TXNL4A: variants seen among roughly 807,000 people sequenced by gnomAD.
TXNL4A encodes thioredoxin-like protein 4A.
Under a neutral mutation model 14.6 loss-of-function variants are expected in TXNL4A, and 17 were observed. The ratio of observed to expected loss-of-function variants is 1.16; its 90% CI spans 0.80 to 1.74. The LOEUF is 1.74. Among genes scored for constraint, TXNL4A ranks in the 40% most tolerant of loss-of-function variants. TXNL4A has a pLI of 0.00. For missense variants in TXNL4A, 74 were observed against 195.2 expected (o/e 0.38, Z 3.70); for synonymous variants, 83 against 70.6 (o/e 1.18, Z -0.88).
chr18:80,017,162 TTGTC>T (rs1189576707), intron 1 of TXNL4A, among the ~76,000 whole-genome samples: 1 of 151,390 alleles, frequency 6.6e-6, no homozygotes, highest in African/African-American at 2.4e-5. Context: ...GGCTCTCTGT[TTGTC>T]TGTTATTGGT....
At chr18:80,018,994 C>T (rs2051830896) in intron 1 of TXNL4A, among the ~76,000 whole-genome samples, 1 of 152,202 alleles carries the variant, frequency 6.6e-6, no homozygotes, top group Admixed American at 6.5e-5. Context: ...GTCCATATCG[C>T]TATCAAAATG....
rs372622854 is a variant in TXNL4A, at chr18:80,004,710, C to T, written c.-60-27009G>A. 3.9e-5 allele frequency among the ~76,000 whole-genome samples: 6 copies of T among 152,288 alleles called. No homozygotes were observed. In the East Asian group the frequency reaches 9.6e-4, roughly 24 times the overall value. On this transcript the variant is annotated intron_variant, in intron 1 of 2. Transcript: ENST00000585474. ...ACCCATGCAGAAGTGAATGTGCACG[C>T]TCTGAGAACTCATGAGAAAATCACC...
chr18:79,975,777 A>C (rs2051370045), intron 2 of TXNL4A, among the ~76,000 whole-genome samples: 1 of 152,190 alleles, frequency 6.6e-6, no homozygotes, highest in Non-Finnish European at 1.5e-5. Flanking sequence ...GTCAGAGCTC[A>C]AAAGCAACAC....
At chr18:79,984,753 C>T (rs1190382648) in intron 1 of TXNL4A, among the ~76,000 whole-genome samples, 2 of 152,180 alleles carry the variant, frequency 1.3e-5, no homozygotes, top group African/African-American at 4.8e-5. Context: ...GGGTTACAGG[C>T]ACATGCTACA....
chr18:80,027,919 C>A (rs557885365), intron 1 of TXNL4A, among the ~76,000 whole-genome samples: 2 of 152,322 alleles, frequency 1.3e-5, no homozygotes, highest in African/African-American at 2.4e-5. Context: ...TGGGTCCTGG[C>A]TGGCTATTGT....
intron 1 of TXNL4A, among the ~76,000 whole-genome samples, chr18:79,979,977 C>T (rs1010779482): frequency 6.6e-6 from 1 of 152,148 alleles, no homozygotes; most frequent in South Asian, 2.1e-4. Context: ...AAAGTGACAG[C>T]GCAGCTTATT....
At chr18:80,032,383 G>A (rs898582400) in intron 1 of TXNL4A, among the ~76,000 whole-genome samples, 1 of 152,138 alleles carries the variant, frequency 6.6e-6, no homozygotes, top group African/African-American at 2.4e-5. Flanking sequence ...ATTAAATTTT[G>A]GGACGCCAAA....
chr18:79,988,448 G>C lies in TXNL4A; in HGVS notation c.-56C>G. 7.5e-7 allele frequency: 1 copy of C among 1,336,808 alleles called. No individual in the cohort carries two copies. Among genetic ancestry groups the C allele is most frequent in the Non-Finnish European group, 9.7e-7 (1 of 1,031,524 alleles). The allele number at this position is 1,336,808 out of a possible 1,614,324, so 82.8% of individuals were successfully genotyped here. ...CGGGGCGCCAGGGAGGGCCCAGCGA[G>C]GTGGGCTCAGCCGGCCCCTCACTCC... On this transcript the variant is annotated 5_prime_UTR_variant, in exon 1 of 3. Coordinates refer to ENST00000269601, the MANE Select transcript of TXNL4A (RefSeq NM_006701.5).
At chr18:80,004,884 G>C (rs2051719716) in intron 1 of TXNL4A, among the ~76,000 whole-genome samples, 1 of 152,224 alleles carries the variant, frequency 6.6e-6, no homozygotes, top group Non-Finnish European at 1.5e-5. Flanking sequence ...GAAAGCATCA[G>C]AACTATTGAA....
Position 79,982,116 on chromosome 18 carries a change from CG to C in TXNL4A, c.154-4416del, listed in dbSNP as rs1209785108. Reference sequence around the variant, plus strand: ...AGGAGACGGGGCGGCAGTGTGGTCACGGGGTGGCAGGGAAATATCTGTCCTT... The same window carrying C: ...AGGAGACGGGGCGGCAGTGTGGTCACGGGTGGCAGGGAAATATCTGTCCTT... On this transcript the variant is annotated intron_variant, in intron 1 of 2. Transcript: ENST00000269601. This position sits in a 1 kb window ranked among gnomAD's most constrained non-coding sequence, Gnocchi z 4.0. 6.6e-6 allele frequency among the ~76,000 whole-genome samples: 1 copy of C among 152,068 alleles called. No individual in the cohort carries two copies. Among genetic ancestry groups the C allele is most frequent in the Non-Finnish European group, 1.5e-5 (1 of 68,022 alleles).
chr18:80,033,890 G>T, exon 1 of TXNL4A: 1 of 143,716 alleles, frequency 7.0e-6, no homozygotes, highest in Non-Finnish European at 1.5e-5. Flanking sequence ...CGCTCGCTTC[G>T]CTCTGGTAGT....
chr18:80,003,987 A>G (rs1190825030), intron 1 of TXNL4A, among the ~76,000 whole-genome samples: 2 of 152,128 alleles, frequency 1.3e-5, no homozygotes, highest in African/African-American at 4.8e-5. Context: ...TGGGGATTAC[A>G]ATTCAAGATG....
chr18:80,004,197 G>C (rs1422534034), intron 1 of TXNL4A, among the ~76,000 whole-genome samples: 1 of 151,726 alleles, frequency 6.6e-6, no homozygotes, highest in Admixed American at 6.6e-5. Flanking sequence ...GGGTTGGCAG[G>C]TAAGTAGAGG....
chr18:80,000,721 C>A (rs2051693132), intron 1 of TXNL4A, among the ~76,000 whole-genome samples: 1 of 152,142 alleles, frequency 6.6e-6, no homozygotes, highest in South Asian at 2.1e-4. Flanking sequence ...GTGGCATGAT[C>A]TCGGCTCACC....
intron 1 of TXNL4A, among the ~76,000 whole-genome samples, chr18:80,026,199 G>A (rs1355086861): frequency 1.3e-5 from 2 of 152,184 alleles, no homozygotes; most frequent in East Asian, 1.9e-4. Context: ...TTAGCTGACC[G>A]ATTATCCCAC....
rs1249850191 is a variant in TXNL4A at position 79,982,400 on chromosome 18, C to A, written c.154-4699G>T. Among the ~76,000 whole-genome samples the A allele has an allele frequency of 2.0e-5, 3 of 152,164 alleles. No individual in the cohort carries two copies. Among genetic ancestry groups the A allele is most frequent in the African/African-American group, 4.8e-5 (2 of 41,436 alleles). ...GAGAAAAAGGCCCTCCAGGTAGCGA[C>A]TGGCCTGGAGCTGTACAATGGAGTC... On this transcript the variant is annotated intron_variant, in intron 1 of 2. Coordinates refer to ENST00000269601, the MANE Select transcript of TXNL4A (RefSeq NM_006701.5). This position sits in a 1 kb window ranked among gnomAD's most constrained non-coding sequence, Gnocchi z 4.0.
chr18:80,013,166 G>T (rs1242734267), intron 1 of TXNL4A, among the ~76,000 whole-genome samples: 3 of 150,142 alleles, frequency 2.0e-5, no homozygotes, highest in African/African-American at 7.4e-5. Context: ...TGTCCCCCAG[G>T]CTGGAGCACA....
chr18:80,016,713 T>C (rs1313660990), intron 1 of TXNL4A, among the ~76,000 whole-genome samples: 3 of 151,900 alleles, frequency 2.0e-5, no homozygotes, highest in Non-Finnish European at 4.4e-5. Flanking sequence ...TTCTGTTCCA[T>C]TGATCTATAT....
intron 1 of TXNL4A, among the ~76,000 whole-genome samples, chr18:80,026,789 C>G (rs1240690261): frequency 6.6e-6 from 1 of 152,190 alleles, no homozygotes; most frequent in African/African-American, 2.4e-5. Context: ...GGGCCATGAT[C>G]TCCTCAACAT....
Sources: gnomAD v4.1 joint callset for allele counts (sites outside exome capture counted in the v4.1 genomes callset) on GRCh38, gnomAD v4.1.1 for gene constraint, Gnocchi (gnomAD v3.1) non-coding constraint, MANE v1.5 for transcripts, NCBI Gene and HGNC (gene_info 2026-07-23, HGNC 2026-07-21) for gene names.